The following KCNQ1OT1 variants were observed in gnomAD, a reference collection of about 807,000 sequenced individuals.
The protein encoded by KCNQ1OT1 is KCNQ1 opposite strand/antisense transcript 1, also known as KCNQ1 antisense RNA 2 (non-protein coding).
At chr11:2,628,792 T>G in exon 1 of KCNQ1OT1, 1 of 398,402 alleles carries the variant, frequency 2.5e-6, no homozygotes, top group Admixed American at 4.4e-5. Context: ...CACTTTTCTC[T>G]ACAGTGTAGG....
chr11:2,649,204 C>G (rs1849719235), exon 1 of KCNQ1OT1: 1 of 397,972 alleles, frequency 2.5e-6, no homozygotes, highest in Non-Finnish European at 4.4e-6. Flanking sequence ...TTTAAATTAC[C>G]TACATTCAAG....
At chr11:2,694,845 G>A in exon 1 of KCNQ1OT1, 1 of 398,680 alleles carries the variant, frequency 2.5e-6, no homozygotes, top group Non-Finnish European at 4.4e-6. Flanking sequence ...TGGCAGGTCA[G>A]AGCAAAATTT....
chr11:2,675,290 A>C (rs1028962483), exon 1 of KCNQ1OT1: 1 of 398,538 alleles, frequency 2.5e-6, no homozygotes, highest in African/African-American at 2.1e-5. Flanking sequence ...CCAAAAGCAG[A>C]GTTTTGGCAA....
Position 2,657,777 on chromosome 11 carries a change from CTT to C in KCNQ1OT1, n.42216_42217del. The C allele has an allele frequency of 7.5e-6, 3 of 398,548 alleles. No individual in the cohort carries two copies. Among genetic ancestry groups the C allele is most frequent in the Non-Finnish European group, 1.3e-5 (3 of 226,052 alleles). 24.7% of individuals were successfully genotyped at this position (398,548 alleles called of 1,614,324 possible). A position where few individuals can be genotyped will look rare whatever the true frequency, so the allele number is the denominator to read the frequency against. Reference sequence around the variant, plus strand: ...AGTCTTGTTCTTCATTAACTTGACACTTTTGAAGAATACCAGTCAGGTGTCAT... The same window carrying C: ...AGTCTTGTTCTTCATTAACTTGACACTTGAAGAATACCAGTCAGGTGTCAT... On this transcript the variant is annotated non_coding_transcript_exon_variant, in exon 1 of 1. Transcript: ENST00000597346. This position sits in a 1 kb window ranked among gnomAD's most constrained non-coding sequence, Gnocchi z 4.8.
chr11:2,622,696 A>G (rs1373731162), exon 1 of KCNQ1OT1: 3 of 398,332 alleles, frequency 7.5e-6, no homozygotes, highest in South Asian at 2.5e-4. Flanking sequence ...GATTGTCTGT[A>G]TGTGTGTATG....
Position 2,621,142 on chromosome 11 carries a change from T to G in KCNQ1OT1, n.78853A>C. 2.5e-6 allele frequency: 1 copy of G among 397,272 alleles called. No homozygotes were observed. The highest frequency in any genetic ancestry group is 4.4e-6 in the Non-Finnish European group (1 of 225,828). 24.6% of individuals were successfully genotyped at this position (397,272 alleles called of 1,614,324 possible). On this transcript the variant is annotated non_coding_transcript_exon_variant, in exon 1 of 1. Transcript: ENST00000597346. The surrounding 1 kb of genome is among the most constrained non-coding windows in gnomAD (Gnocchi z 5.7). ...ACAGGTGACCGCCACCATACCTGGC[T>G]AATTTTTGTGTTTTTAGTAGAGACG...
At chr11:2,635,716 G>C (rs1321803552) in exon 1 of KCNQ1OT1, 1 of 152,160 alleles carries the variant, frequency 6.6e-6, no homozygotes, top group Non-Finnish European at 1.5e-5. Context: ...CCAATTCTGT[G>C]AAGAAAGTCA....
chr11:2,672,071 T>A (rs1850193428), exon 1 of KCNQ1OT1: 1 of 398,592 alleles, frequency 2.5e-6, no homozygotes. Context: ...CCCTGGTCCC[T>A]GGTCTGGACT....
At chr11:2,666,756 CTG>C (rs1488999037) in exon 1 of KCNQ1OT1, 2 of 398,684 alleles carry the variant, frequency 5.0e-6, no homozygotes, top group Admixed American at 4.4e-5. Flanking sequence ...CACTGCAGCT[CTG>C]TGAGTGTCTA....
exon 1 of KCNQ1OT1, chr11:2,637,607 T>C (rs565600700): frequency 1.3e-5 from 2 of 152,362 alleles, no homozygotes; most frequent in Admixed American, 1.3e-4. Context: ...CTTCCAATTA[T>C]GTGGTCAATT....
exon 1 of KCNQ1OT1, chr11:2,619,499 A>C: frequency 1.0e-5 from 4 of 398,582 alleles, no homozygotes; most frequent in Non-Finnish European, 1.8e-5. Flanking sequence ...TAAGATTTGC[A>C]TGCCAGAAAT....
rs1849676520 is a variant in KCNQ1OT1, at chr11:2,647,005, AG to A, written n.52989del. On this transcript the variant is annotated non_coding_transcript_exon_variant, in exon 1 of 1. Transcript: ENST00000597346. The surrounding 1 kb of genome is among the most constrained non-coding windows in gnomAD (Gnocchi z 4.0). ...TTTTACTTGCCTAATTGTTCTGGTG[AG>A]GACTTTTCTTACTCTGCTGAATAAG... is the stretch of plus-strand genomic sequence containing the variant. The A allele has an allele frequency of 2.5e-6, 1 of 398,438 alleles. No individual in the cohort carries two copies. The highest frequency in any genetic ancestry group is 4.4e-6 in the Non-Finnish European group (1 of 226,048). The allele number at this position is 398,438 out of a possible 1,614,324, so 24.7% of individuals were successfully genotyped here.
chr11:2,629,797 A>C (rs1367669887), exon 1 of KCNQ1OT1: 1 of 398,196 alleles, frequency 2.5e-6, no homozygotes, highest in Non-Finnish European at 4.4e-6. Flanking sequence ...TTACTGAGTT[A>C]GATTATTACT....
exon 1 of KCNQ1OT1, chr11:2,675,626 T>C: frequency 2.5e-6 from 1 of 398,628 alleles, no homozygotes; most frequent in Non-Finnish European, 4.4e-6. Context: ...AGAGCACCCC[T>C]TATTAGAGGG....
In KCNQ1OT1 at chr11:2,674,290, T is replaced by C. The variant is rs574532339; in HGVS notation, n.25705A>G. 2.3e-5 allele frequency: 9 copies of C among 398,492 alleles called. No homozygotes were observed. The South Asian group carries it at 1.1e-3, about 51-fold the overall frequency. The allele number at this position is 398,492 out of a possible 1,614,324, so 24.7% of individuals were successfully genotyped here. A position where few individuals can be genotyped will look rare whatever the true frequency, so the allele number is the denominator to read the frequency against. On this transcript the variant is annotated non_coding_transcript_exon_variant, in exon 1 of 1. Transcript: ENST00000597346. The surrounding 1 kb of genome is among the most constrained non-coding windows in gnomAD (Gnocchi z 5.9). ...CCGGCACACACACTAGGACCTTTCT[T>C]CATCATGCAGCCGTAGAGCTGGAGG...
exon 1 of KCNQ1OT1, chr11:2,675,012 C>T (rs930073139): frequency 2.5e-6 from 1 of 398,522 alleles, no homozygotes; most frequent in Non-Finnish European, 4.4e-6. Context: ...TTCTTCCCGC[C>T]TGACTTCTCT....
exon 1 of KCNQ1OT1, chr11:2,675,657 C>T: frequency 5.0e-6 from 2 of 398,660 alleles, no homozygotes; most frequent in Non-Finnish European, 4.4e-6. Context: ...CTCTAGGAGC[C>T]CGCCCAGGGC....
chr11:2,693,812 A>C, exon 1 of KCNQ1OT1: 1 of 398,848 alleles, frequency 2.5e-6, no homozygotes, highest in East Asian at 3.6e-5. Flanking sequence ...AGGCTGATAA[A>C]GGCACCGGAA....
chr11:2,659,145 TGA>T lies in KCNQ1OT1; in HGVS notation n.40848_40849del. Reference sequence around the variant, plus strand: ...TTTGCATACAGTAAAATCCACTCTTTGAGATTCAGTTCTGTGGGTTTTGACAG... The same window carrying T: ...TTTGCATACAGTAAAATCCACTCTTTGATTCAGTTCTGTGGGTTTTGACAG... On this transcript the variant is annotated non_coding_transcript_exon_variant, in exon 1 of 1. Transcript: ENST00000597346. This position sits in a 1 kb window ranked among gnomAD's most constrained non-coding sequence, Gnocchi z 4.3. The T allele has an allele frequency of 2.5e-6, 1 of 398,612 alleles. No individual in the cohort carries two copies. The highest frequency in any genetic ancestry group is 4.4e-6 in the Non-Finnish European group (1 of 226,050). The allele number at this position is 398,612 out of a possible 1,614,324, so 24.7% of individuals were successfully genotyped here.
Sources: gnomAD v4.1 joint callset for allele counts on GRCh38, gnomAD v4.1.1 for gene constraint, Gnocchi (gnomAD v3.1) non-coding constraint, MANE v1.5 for transcripts, NCBI Gene and HGNC (gene_info 2026-07-23, HGNC 2026-07-21) for gene names.